DGKH: variants seen among roughly 807,000 people sequenced by gnomAD.
DGKH encodes DAG kinase eta.
In DGKH, 90 loss-of-function variants were observed where a neutral mutation model predicts 159.3. That is an observed-to-expected ratio of 0.57 (90% CI 0.48 to 0.67). DGKH has a LOEUF of 0.67. DGKH is among the 30% of genes least tolerant of loss of function. DGKH has a pLI of 0.00. For synonymous variants in DGKH, 536 were observed against 553.8 expected, an observed-to-expected ratio of 0.97 and a Z score of 0.45; for missense variants, 1,181 against 1,506.1, an observed-to-expected ratio of 0.78 and a Z score of 3.57.
chr13:42,091,602 T>C (rs1321274744), intron 1 of DGKH, among the ~76,000 whole-genome samples: 1 of 152,126 alleles, frequency 6.6e-6, no homozygotes, highest in Non-Finnish European at 1.5e-5. Context: ...GCTACAAAGC[T>C]CTGCATAGCA....
At chr13:42,063,769 G>A (rs1220697289) in intron 1 of DGKH, among the ~76,000 whole-genome samples, 4 of 152,120 alleles carry the variant, frequency 2.6e-5, no homozygotes, top group South Asian at 2.1e-4. Flanking sequence ...GAGAAACCCC[G>A]TCTCTATTAA....
chr13:42,209,932 A>G (rs1957600355), intron 23 of DGKH, among the ~76,000 whole-genome samples: 1 of 151,882 alleles, frequency 6.6e-6, no homozygotes, highest in Non-Finnish European at 1.5e-5. Flanking sequence ...CGACCCTAAA[A>G]ATTCCTTATG....
chr13:42,194,862 T>C (rs772706553), intron 16 of DGKH, 23 bp from the exon 17 acceptor site: 41 of 1,603,190 alleles, frequency 2.6e-5, no homozygotes, highest in Admixed American at 3.5e-5. Flanking sequence ...TATCTCTTTT[T>C]AATCTGGACT....
Position 42,168,670 on chromosome 13 carries a change from G to A in DGKH, c.1228-9G>A, listed in dbSNP as rs771934870. On this transcript the variant is annotated splice_polypyrimidine_tract_variant and intron_variant, in intron 10 of 29. Transcript: ENST00000337343. ...TGTCTGAAAGTCACCCTGTTGCACTGTCTTTCAGTGTCAGCTGGGAGTGTT... is the reference window on the plus strand; with the variant it reads ...TGTCTGAAAGTCACCCTGTTGCACTATCTTTCAGTGTCAGCTGGGAGTGTT... The A allele has an allele frequency of 1.9e-6, 3 of 1,614,084 alleles. No individual in the cohort carries two copies. Among genetic ancestry groups the A allele is most frequent in the South Asian group, 1.1e-5 (1 of 91,086 alleles).
At chr13:42,134,095 A>C (rs7983995) in intron 3 of DGKH, among the ~76,000 whole-genome samples, 53,740 of 152,018 alleles carry the variant, frequency 0.35, 10,010 homozygotes, top group Non-Finnish European at 0.42. Flanking sequence ...AAACTACATA[A>C]ACGGTAAATG....
chr13:42,097,771 G>A (rs114930536), intron 1 of DGKH, among the ~76,000 whole-genome samples: 82 of 152,314 alleles, frequency 5.4e-4, no homozygotes, highest in African/African-American at 2.0e-3. Flanking sequence ...CAGAGGTGAA[G>A]AAATAGGGAG....
chr13:42,156,021 T>C (rs1411120991), intron 5 of DGKH, among the ~76,000 whole-genome samples: 3 of 151,644 alleles, frequency 2.0e-5, no homozygotes, highest in Non-Finnish European at 2.9e-5. Flanking sequence ...AAAAAAAAAA[T>C]CTTTGGACTT....
intron 28 of DGKH, 36 bp from the exon 29 acceptor site, chr13:42,221,228 T>C (rs1957963595): frequency 1.9e-6 from 3 of 1,611,056 alleles, no homozygotes; most frequent in Non-Finnish European, 2.5e-6. Context: ...ATTGAGCATG[T>C]AGAAATTAAG....
At chr13:42,168,983 C>G (rs983942444) in intron 11 of DGKH, among the ~76,000 whole-genome samples, 165 bp downstream of exon 11, 12 of 152,232 alleles carry the variant, frequency 7.9e-5, no homozygotes, top group Non-Finnish European at 1.5e-5. Context: ...AGATGGAGAA[C>G]AGGGCCTATC....
chr13:42,249,384 C>G (rs1958603962), intron 29 of DGKH, among the ~76,000 whole-genome samples: 1 of 152,192 alleles, frequency 6.6e-6, no homozygotes, highest in Non-Finnish European at 1.5e-5. Context: ...GCACTCCTGC[C>G]TGGGCACCAG....
intron 13 of DGKH, among the ~76,000 whole-genome samples, chr13:42,178,992 T>TATACAAAATTTGG (rs777780041): frequency 7.9e-5 from 12 of 152,232 alleles, no homozygotes; most frequent in South Asian, 4.1e-4. Flanking sequence ...TTTTGGTATA[T>TATACAAAATTTGG]TATGTACTTA....
intron 3 of DGKH, among the ~76,000 whole-genome samples, chr13:42,135,366 G>T (rs565248333): frequency 2.6e-4 from 39 of 150,376 alleles, no homozygotes; most frequent in African/African-American, 9.5e-4. Context: ...GAGCATCGTG[G>T]TGCATGCCTG....
intron 11 of DGKH, among the ~76,000 whole-genome samples, chr13:42,172,906 C>T (rs980382814): frequency 2.5e-4 from 38 of 151,962 alleles, no homozygotes; most frequent in Non-Finnish European, 3.5e-4. Context: ...AACTCCTGAC[C>T]GCAGGTGATC....
chr13:42,076,533 C>T (rs369155374), intron 1 of DGKH, among the ~76,000 whole-genome samples: 3 of 152,150 alleles, frequency 2.0e-5, no homozygotes, highest in Non-Finnish European at 4.4e-5. Flanking sequence ...AAGAAAACAT[C>T]GTAACCCTCT....
chr13:42,217,647 T>A (rs1957834791), intron 26 of DGKH, among the ~76,000 whole-genome samples: 1 of 152,198 alleles, frequency 6.6e-6, no homozygotes, highest in African/African-American at 2.4e-5. Flanking sequence ...ATCTCTGAAC[T>A]TTTAGTTCTA....
At chr13:42,125,356 T>A (rs1265349177) in intron 1 of DGKH, among the ~76,000 whole-genome samples, 1 of 152,236 alleles carries the variant, frequency 6.6e-6, no homozygotes. Flanking sequence ...ATCTATTGAA[T>A]GTTTTCTCTA....
Position 42,068,789 on chromosome 13 carries a change from G to A in DGKH, c.192+19824G>A, listed in dbSNP as rs145531608. Reference sequence around the variant, plus strand: ...ACTATCTCACATGTAGAAAAAGAAAGTCTGGATTTTAAAAACCAAGTACTC... The same window carrying A: ...ACTATCTCACATGTAGAAAAAGAAAATCTGGATTTTAAAAACCAAGTACTC... On this transcript the variant is annotated intron_variant, in intron 1 of 29. Coordinates refer to ENST00000337343, the MANE Select transcript of DGKH (RefSeq NM_178009.5). The A allele has an allele frequency of 7.3e-3, 2,929 of 402,676 alleles. 74 individuals carry two copies. Among genetic ancestry groups the A allele is most frequent in the African/African-American group, 0.05 (2,414 of 48,458 alleles). 24.9% of individuals were successfully genotyped at this position (402,676 alleles called of 1,614,324 possible). A position where few individuals can be genotyped will look rare whatever the true frequency, so the allele number is the denominator to read the frequency against.
At chr13:42,106,685 G>T (rs1954763917) in intron 1 of DGKH, among the ~76,000 whole-genome samples, 1 of 152,134 alleles carries the variant, frequency 6.6e-6, no homozygotes. Flanking sequence ...AACTTAACCT[G>T]TTTTATGATT....
At position 42,221,248 on chromosome 13, in the gene DGKH, C is replaced by T; in HGVS notation, c.3443-16C>T. On this transcript the variant is annotated splice_polypyrimidine_tract_variant and intron_variant, in intron 28 of 29. Transcript: ENST00000337343. ...GCATGTAGAAATTAAGGGGGTTTTG[C>T]TCTTAACTTTGGTAGTTCAGAAATG... 1.2e-6 allele frequency: 2 copies of T among 1,612,538 alleles called. No homozygotes were observed. Among genetic ancestry groups the T allele is most frequent in the Non-Finnish European group, 1.7e-6 (2 of 1,179,120 alleles).
Sources: gnomAD v4.1 joint callset for allele counts (sites outside exome capture counted in the v4.1 genomes callset) on GRCh38, gnomAD v4.1.1 for gene constraint, MANE v1.5 for transcripts, NCBI Gene and HGNC (gene_info 2026-07-23, HGNC 2026-07-21) for gene names.